BICC1: variants seen among roughly 807,000 people sequenced by gnomAD.
The protein encoded by BICC1 is protein bicaudal C homolog 1.
Under a neutral mutation model 111.0 loss-of-function variants are expected in BICC1, and 43 were observed. The ratio of observed to expected loss-of-function variants is 0.39; its 90% CI spans 0.30 to 0.50. The LOEUF (loss-of-function observed/expected upper bound fraction) is 0.50. Ranked by LOEUF, BICC1 falls within the 20% of genes least tolerant of loss-of-function variation. The pLI, the probability that BICC1 is intolerant of heterozygous loss-of-function variation, is 0.88. For missense variants in BICC1, 1,091 were observed against 1,203.2 expected, an observed-to-expected ratio of 0.91 and a Z score of 1.38; for synonymous variants, 467 against 434.4, an observed-to-expected ratio of 1.07 and a Z score of -0.93.
At chr10:58,602,980 CTT>C (rs1304252204) in intron 1 of BICC1, among the ~76,000 whole-genome samples, 2 of 152,130 alleles carry the variant, frequency 1.3e-5, no homozygotes, top group Admixed American at 1.3e-4. Flanking sequence ...TACTTTAGCA[CTT>C]CAGGCCTCTT....
Position 58,789,688 on chromosome 10 carries a change from A to G in BICC1, c.802A>G (p.Thr268Ala), listed in dbSNP as rs755739904. 1 of 1,614,122 alleles carries G rather than the reference A, an allele frequency of 6.2e-7. No homozygotes were observed. The highest frequency in any genetic ancestry group is 2.2e-5 in the East Asian group (1 of 44,874). ...QNNTSAVKEG[T>A]AMLLEHLAGS... ...TCCCACCCTTTTCTCTTAGGAAGGA[A>G]CTGCCATGCTGTTAGAACATCTTGC... Residue 268 changes from threonine to alanine, a missense_variant, in exon 8 of 21, where the codon ACT becomes GCT. Physicochemically the swap from Thr to Ala is moderately conservative, Grantham distance 58. This residue lies in a region of BICC1 where 843 missense variants were observed against 900.8 expected (regional missense o/e 0.94). Coordinates refer to ENST00000373886, the MANE Select transcript of BICC1 (RefSeq NM_001080512.3).
intron 3 of BICC1, among the ~76,000 whole-genome samples, chr10:58,759,121 A>T (rs753283263): frequency 1.3e-5 from 2 of 151,804 alleles, no homozygotes; most frequent in Non-Finnish European, 2.9e-5. Context: ...CACCACACCC[A>T]GCTAATTTTT....
chr10:58,755,253 A>C (rs1283398426), intron 3 of BICC1, among the ~76,000 whole-genome samples: 1 of 152,150 alleles, frequency 6.6e-6, no homozygotes, highest in South Asian at 2.1e-4. Flanking sequence ...TTTAACTGCC[A>C]GGGCCCACTG....
At chr10:58,699,854 G>T (rs919139980) in intron 2 of BICC1, among the ~76,000 whole-genome samples, 4 of 152,068 alleles carry the variant, frequency 2.6e-5, no homozygotes, top group Non-Finnish European at 5.9e-5. Context: ...ACCACATTCA[G>T]CTAATTTTTG....
Position 58,796,368 on chromosome 10 carries a change from A to G in BICC1, c.1208A>G (p.Asn403Ser). Reference protein sequence around the residue: ...KSVIVKSVERNALNMYEARKC... With the variant: ...KSVIVKSVERSALNMYEARKC... ...GTGATTGTGAAAAGTGTTGAGCGAA[A>G]TGCCTTAAATATGTATGAAGCAAGG... Residue 403 changes from asparagine to serine, a missense_variant, in exon 10 of 21, where the codon AAT (asparagine) becomes AGT (serine). Physicochemically the swap from Asn to Ser is conservative, Grantham distance 46. This residue lies in a region of BICC1 where 843 missense variants were observed against 900.8 expected (regional missense o/e 0.94). Transcript: ENST00000373886. 1.2e-6 allele frequency: 2 copies of G among 1,613,900 alleles called. No individual in the cohort carries two copies. The highest frequency in any genetic ancestry group is 1.7e-6 in the Non-Finnish European group (2 of 1,179,952).
chr10:58,731,468 T>C (rs1794320679), intron 3 of BICC1, among the ~76,000 whole-genome samples: 1 of 152,236 alleles, frequency 6.6e-6, no homozygotes, highest in African/African-American at 2.4e-5. Context: ...CAGGTATCTT[T>C]GTATTAATAC....
intron 17 of BICC1, 83 bp from the exon 18 acceptor site, chr10:58,813,747 G>C: frequency 7.3e-7 from 1 of 1,375,660 alleles, no homozygotes; most frequent in East Asian, 2.3e-5. Context: ...AACGGCAGTG[G>C]TGTAATGTGG....
At chr10:58,591,872 A>G (rs931001231) in intron 1 of BICC1, among the ~76,000 whole-genome samples, 5 of 152,232 alleles carry the variant, frequency 3.3e-5, no homozygotes, top group Middle Eastern at 6.8e-3. Flanking sequence ...ACCTATTTCT[A>G]TTTCTGGCCT....
chr10:58,514,481 G>A (rs1012295175), intron 1 of BICC1, among the ~76,000 whole-genome samples: 1 of 152,204 alleles, frequency 6.6e-6, no homozygotes, highest in African/African-American at 2.4e-5. Flanking sequence ...AAATGCAGTG[G>A]CTTTTTAGAA....
intron 1 of BICC1, among the ~76,000 whole-genome samples, chr10:58,520,685 G>A (rs1842364526): frequency 6.6e-6 from 1 of 152,020 alleles, no homozygotes; most frequent in South Asian, 2.1e-4. Flanking sequence ...ATTAAACATA[G>A]GATTTGAAAA....
At chr10:58,610,876 C>T (rs374944071) in intron 1 of BICC1, among the ~76,000 whole-genome samples, 51 of 152,160 alleles carry the variant, frequency 3.4e-4, no homozygotes, top group African/African-American at 1.2e-3. Flanking sequence ...TTACTGTTTT[C>T]AGCTGTGAAG....
intron 1 of BICC1, among the ~76,000 whole-genome samples, chr10:58,591,619 T>C (rs931220223): frequency 2.0e-5 from 3 of 152,206 alleles, no homozygotes; most frequent in Admixed American, 6.5e-5. Context: ...TTTCAACATA[T>C]GAATTTTGGG....
chr10:58,670,141 A>C (rs956418789), intron 2 of BICC1, among the ~76,000 whole-genome samples: 1 of 152,154 alleles, frequency 6.6e-6, no homozygotes, highest in Admixed American at 6.6e-5. Flanking sequence ...ATTTTTAAAA[A>C]TATTTGCTTT....
intron 1 of BICC1, among the ~76,000 whole-genome samples, chr10:58,585,720 G>T (rs1338252159): frequency 6.6e-6 from 1 of 151,940 alleles, no homozygotes; most frequent in Non-Finnish European, 1.5e-5. Context: ...ATCAGAAAAT[G>T]GATTATCTCA....
intron 2 of BICC1, among the ~76,000 whole-genome samples, chr10:58,661,285 T>C (rs1389041142): frequency 6.6e-6 from 1 of 151,714 alleles, no homozygotes; most frequent in Non-Finnish European, 1.5e-5. Context: ...CAATTCAGAA[T>C]ACTGGTATTC....
At chr10:58,643,021 G>A (rs1197377209) in intron 2 of BICC1, among the ~76,000 whole-genome samples, 2 of 152,112 alleles carry the variant, frequency 1.3e-5, no homozygotes, top group Non-Finnish European at 2.9e-5. Context: ...TATTATTCTT[G>A]TAAACTTAAT....
intron 1 of BICC1, among the ~76,000 whole-genome samples, chr10:58,548,582 T>G (rs944914512): frequency 6.6e-6 from 1 of 152,198 alleles, no homozygotes; most frequent in African/African-American, 2.4e-5. Flanking sequence ...CATTAGAATA[T>G]CAAAGAGAAT....
chr10:58,545,780 C>T (rs892619095), intron 1 of BICC1, among the ~76,000 whole-genome samples: 1 of 152,114 alleles, frequency 6.6e-6, no homozygotes, highest in African/African-American at 2.4e-5. Flanking sequence ...CTTTACGTTT[C>T]ATGGTATGCC....
chr10:58,714,889 G>C (rs1042846783), intron 3 of BICC1, among the ~76,000 whole-genome samples: 2 of 146,456 alleles, frequency 1.4e-5, no homozygotes, highest in African/African-American at 5.1e-5. Flanking sequence ...AAAAAAAAAA[G>C]ATAGTGGCAA....
Sources: allele counts gnomAD v4.1 joint callset (sites outside exome capture counted in the v4.1 genomes callset), GRCh38; gene constraint gnomAD v4.1.1; regional missense constraint gnomAD v4.1.1; transcripts MANE v1.5; gene names NCBI Gene and HGNC (gene_info 2026-07-23, HGNC 2026-07-21).